The following ATP11A variants were observed in gnomAD, a reference collection of about 807,000 sequenced individuals.
ATP11A encodes ATPase phospholipid transporting 11A.
Under a neutral mutation model 154.4 loss-of-function variants are expected in ATP11A, and 81 were observed. The observed-to-expected ratio is 0.52, with a 90% CI of 0.44 to 0.63. ATP11A has a LOEUF of 0.63. ATP11A is among the 30% of genes least tolerant of loss of function. ATP11A has a pLI of 0.00. For synonymous variants in ATP11A, 623 were observed against 585.9 expected, an observed-to-expected ratio of 1.06 and a Z score of -0.91; for missense variants, 1,316 against 1,474.3, an observed-to-expected ratio of 0.89 and a Z score of 1.76.
intron 20 of ATP11A, among the ~76,000 whole-genome samples, chr13:112,857,397 A>G (rs368001090): frequency 6.6e-6 from 1 of 152,252 alleles, no homozygotes; most frequent in Non-Finnish European, 1.5e-5. Flanking sequence ...AATAGCTTGA[A>G]GTACCTTGGA....
chr13:112,723,929 G>C lies in ATP11A; in HGVS notation c.39+33474G>C, dbSNP rs975521701. 1.9e-4 allele frequency among the ~76,000 whole-genome samples: 29 copies of C among 152,084 alleles called. 1 individual carries two copies. The highest frequency in any genetic ancestry group is 1.4e-3 in the Admixed American group (22 of 15,278). On this transcript the variant is annotated intron_variant, in intron 1 of 29. Coordinates refer to ENST00000375645, the MANE Select transcript of ATP11A (RefSeq NM_015205.3). Reference sequence around the variant, plus strand: ...TCCCGGGAACGCTCGTGTCACACGGGCTCGGGTGGCATGTGCGGGGACATA... The same window carrying C: ...TCCCGGGAACGCTCGTGTCACACGGCCTCGGGTGGCATGTGCGGGGACATA...
intron 2 of ATP11A, among the ~76,000 whole-genome samples, chr13:112,793,345 G>A (rs2077910867): frequency 6.6e-6 from 1 of 152,146 alleles, no homozygotes; most frequent in African/African-American, 2.4e-5. Context: ...GGAACTACAG[G>A]TGCCCACCAC....
At chr13:112,876,327 G>A (rs889121923) in intron 28 of ATP11A, among the ~76,000 whole-genome samples, 4 of 152,078 alleles carry the variant, frequency 2.6e-5, no homozygotes, top group African/African-American at 7.2e-5. Context: ...GGAAATGCTG[G>A]TATTGGTGGA....
intron 1 of ATP11A, among the ~76,000 whole-genome samples, chr13:112,776,635 G>T (rs748948418): frequency 1.3e-5 from 2 of 152,014 alleles, no homozygotes; most frequent in Admixed American, 1.3e-4. Context: ...TCAATCTGTC[G>T]TCCAGGCTGA....
chr13:112,700,506 G>T (rs936802725), intron 1 of ATP11A, among the ~76,000 whole-genome samples: 2 of 152,204 alleles, frequency 1.3e-5, no homozygotes, highest in Non-Finnish European at 2.9e-5. Context: ...AGGGCAGCCA[G>T]GTCTCATTGG....
chr13:112,873,956 C>G (rs899881880), intron 27 of ATP11A, among the ~76,000 whole-genome samples: 11 of 152,166 alleles, frequency 7.2e-5, no homozygotes, highest in African/African-American at 2.4e-4. Flanking sequence ...GATTCCGCAC[C>G]AGGGGACCCA....
intron 1 of ATP11A, among the ~76,000 whole-genome samples, chr13:112,706,140 A>G (rs934297790): frequency 2.0e-5 from 3 of 152,236 alleles, no homozygotes; most frequent in African/African-American, 4.8e-5. Context: ...ACATTGAAAC[A>G]CAAGTGCTAG....
intron 25 of ATP11A, among the ~76,000 whole-genome samples, chr13:112,869,298 G>T (rs1213077639): frequency 6.6e-6 from 1 of 152,226 alleles, no homozygotes; most frequent in Non-Finnish European, 1.5e-5. Flanking sequence ...GCTGTGCTTT[G>T]TTCCTCACCT....
At chr13:112,728,354 C>T (rs945775783) in intron 1 of ATP11A, among the ~76,000 whole-genome samples, 2 of 146,532 alleles carry the variant, frequency 1.4e-5, no homozygotes, top group Non-Finnish European at 3.0e-5. Flanking sequence ...CTGTATGTAC[C>T]ACGTTGTCAG....
rs1885765623 is a variant in ATP11A at position 112,696,092 on chromosome 13, C to T, written c.39+5637C>T. ...TGCGTGGCCTTGGCAAGTTGGTTGC[C>T]CCCTGTACGCTTGGTGCCCCATCTG... On this transcript the variant is annotated intron_variant, in intron 1 of 29. Coordinates refer to ENST00000375645, the MANE Select transcript of ATP11A (RefSeq NM_015205.3). The surrounding 1 kb of genome is among the most constrained non-coding windows in gnomAD (Gnocchi z 6.2). 6.6e-6 allele frequency among the ~76,000 whole-genome samples: 1 copy of T among 152,204 alleles called. No homozygotes were observed. Among genetic ancestry groups the T allele is most frequent in the African/African-American group, 2.4e-5 (1 of 41,462 alleles).
At chr13:112,814,969 C>T (rs1374928239) in intron 5 of ATP11A, among the ~76,000 whole-genome samples, 1 of 152,214 alleles carries the variant, frequency 6.6e-6, no homozygotes, top group African/African-American at 2.4e-5. Context: ...TTTAAAGTCT[C>T]ACAAATTCGC....
rs1032590986 is a variant in ATP11A, at chr13:112,875,568, C to T, written c.3162-208C>T. Among the ~76,000 whole-genome samples, 14 of 151,160 alleles carry T rather than the reference C, an allele frequency of 9.3e-5. No homozygotes were observed. Among genetic ancestry groups the T allele is most frequent in the Middle Eastern group, 3.2e-3 (1 of 312 alleles). ...CCATTTGAGATGACTTCATAGAATT[C>T]CTTCTCCCGTTCCTCTTACCCCAGC... On this transcript the variant is annotated intron_variant, in intron 27 of 29. Coordinates refer to ENST00000375645, the MANE Select transcript of ATP11A (RefSeq NM_015205.3). This position sits in a 1 kb window ranked among gnomAD's most constrained non-coding sequence, Gnocchi z 4.1.
At position 112,859,099 on chromosome 13, in the gene ATP11A, T is replaced by C. The variant is rs1041118682; in HGVS notation, c.2668-294T>C. ...GTTTGAGGAAGGATTCCTTATTCAC[T>C]GTGCAGTTCGATTCTTTCCCGTTTA... On this transcript the variant is annotated intron_variant, in intron 22 of 29. Transcript: ENST00000375645. This position sits in a 1 kb window ranked among gnomAD's most constrained non-coding sequence, Gnocchi z 4.3. 2 of 366,234 alleles carry C rather than the reference T, an allele frequency of 5.5e-6. No homozygotes were observed. The highest frequency in any genetic ancestry group is 1.0e-5 in the Non-Finnish European group (2 of 195,242). The allele number at this position is 366,234 out of a possible 1,614,324, so 22.7% of individuals were successfully genotyped here. A position where few individuals can be genotyped will look rare whatever the true frequency, so the allele number is the denominator to read the frequency against.
At chr13:112,768,201 C>A (rs2077142240) in intron 1 of ATP11A, among the ~76,000 whole-genome samples, 1 of 152,250 alleles carries the variant, frequency 6.6e-6, no homozygotes, top group African/African-American at 2.4e-5. Context: ...GCCAGGGCGG[C>A]CCTGTGATGA....
intron 16 of ATP11A, among the ~76,000 whole-genome samples, chr13:112,841,420 C>T (rs1320609222): frequency 6.8e-6 from 1 of 146,206 alleles, no homozygotes; most frequent in East Asian, 2.0e-4. Context: ...CACGTGGCTT[C>T]GCCGTCCAGG....
In ATP11A at chr13:112,883,445, CCACGCTGTGGAACGG is replaced by C. The variant is rs1425219776; in HGVS notation, c.*1580_*1594del. On this transcript the variant is annotated 3_prime_UTR_variant, in exon 30 of 30. Coordinates refer to ENST00000375645, the MANE Select transcript of ATP11A (RefSeq NM_015205.3). ...AGCCGGCCCTCACGCCCGCCCCGCGCCACGCTGTGGAACGGGGCTCCGGCAAGTGAAACCCAGAGG... is the reference window on the plus strand; with the variant it reads ...AGCCGGCCCTCACGCCCGCCCCGCGCGGCTCCGGCAAGTGAAACCCAGAGG... 14 of 373,430 alleles carry C rather than the reference CCACGCTGTGGAACGG, an allele frequency of 3.7e-5. No individual in the cohort carries two copies. The highest frequency in any genetic ancestry group is 2.7e-4 in the East Asian group (7 of 25,736). 23.1% of individuals were successfully genotyped at this position (373,430 alleles called of 1,614,324 possible).
chr13:112,714,916 C>T (rs1888249879), intron 1 of ATP11A, among the ~76,000 whole-genome samples: 1 of 152,194 alleles, frequency 6.6e-6, no homozygotes. Flanking sequence ...ACTGAAACTC[C>T]GTCCCGCTTA....
chr13:112,788,816 A>C (rs76264805), intron 2 of ATP11A, among the ~76,000 whole-genome samples: 3 of 122,840 alleles, frequency 2.4e-5, no homozygotes, highest in African/African-American at 9.5e-5. Context: ...ATTCACACCC[A>C]GCATCCTGAC....
chr13:112,722,694 C>T (rs77846586), intron 1 of ATP11A, among the ~76,000 whole-genome samples: 2,946 of 152,178 alleles, frequency 0.019, 107 homozygotes, highest in African/African-American at 0.067. Context: ...GGTTTACATA[C>T]GTAAAATACT....
Sources: allele counts gnomAD v4.1 joint callset (sites outside exome capture counted in the v4.1 genomes callset), GRCh38; gene constraint gnomAD v4.1.1; non-coding constraint Gnocchi (gnomAD v3.1); transcripts MANE v1.5; gene names NCBI Gene and HGNC (gene_info 2026-07-23, HGNC 2026-07-21).